Variants in ASCC3 observed in about 807,000 individuals in gnomAD.
ASCC3 encodes the protein ASC-1 complex subunit P200.
In ASCC3, 158 loss-of-function variants were observed where a neutral mutation model predicts 256.3. The observed-to-expected ratio is 0.62, with a 90% CI of 0.54 to 0.70. The LOEUF (loss-of-function observed/expected upper bound fraction) is 0.70. Among genes scored for constraint, ASCC3 ranks in the 30% least tolerant of loss-of-function variants. The probability of loss-of-function intolerance (pLI) is 0.00; values close to 1 mark genes in which losing one functional copy is unlikely to be tolerated. For missense variants in ASCC3, 2,259 were observed against 2,626.0 expected (o/e 0.86, Z 3.05); for synonymous variants, 948 against 883.4 (o/e 1.07, Z -1.30).
chr6:100,519,622 A>C (rs1391411564), intron 37 of ASCC3, among the ~76,000 whole-genome samples: 1 of 152,156 alleles, frequency 6.6e-6, no homozygotes, highest in East Asian at 1.9e-4. Context: ...ATTATACCTA[A>C]TGCAGTATTA....
At chr6:100,825,900 T>C (rs1045143002) in intron 4 of ASCC3, among the ~76,000 whole-genome samples, 4 of 151,862 alleles carry the variant, frequency 2.6e-5, no homozygotes, top group Admixed American at 1.3e-4. Context: ...GACTCGGCTA[T>C]TGATACTTGT....
At position 100,853,420 on chromosome 6, in the gene ASCC3, C is replaced by CTTTTTTTTTTTTTTTTTTT. The variant is rs11299576; in HGVS notation, c.242-4732_242-4714dup. 3.1e-5 allele frequency among the ~76,000 whole-genome samples: 4 copies of CTTTTTTTTTTTTTTTTTTT among 127,668 alleles called. 1 individual carries two copies. Among genetic ancestry groups the CTTTTTTTTTTTTTTTTTTT allele is most frequent in the Non-Finnish European group, 6.6e-5 (4 of 60,546 alleles). The allele number at this position is 127,668 out of a possible 152,430, so 83.8% of individuals were successfully genotyped here. Reference sequence around the variant, plus strand: ...TTGCATCCATAATTGATAAATATTCCTTTTTTTTTTTTTTTTTTTGAGACG... The same window carrying CTTTTTTTTTTTTTTTTTTT: ...TTGCATCCATAATTGATAAATATTCCTTTTTTTTTTTTTTTTTTTTTTTTTTTTTTTTTTTTTTGAGACG... On this transcript the variant is annotated intron_variant, in intron 3 of 41. Coordinates refer to ENST00000369162, the MANE Select transcript of ASCC3 (RefSeq NM_006828.4).
intron 10 of ASCC3, among the ~76,000 whole-genome samples, chr6:100,733,178 A>T (rs1779987891): frequency 6.6e-6 from 1 of 152,204 alleles, no homozygotes; most frequent in African/African-American, 2.4e-5. Flanking sequence ...TAGAGACAAA[A>T]GAGAACCTCA....
At chr6:100,585,372 C>T (rs1391469065) in intron 36 of ASCC3, among the ~76,000 whole-genome samples, 9 of 152,164 alleles carry the variant, frequency 5.9e-5, no homozygotes, top group Admixed American at 6.5e-5. Context: ...TTGATCACAT[C>T]GGCTCCTGAG....
intron 13 of ASCC3, among the ~76,000 whole-genome samples, chr6:100,680,148 A>T (rs891263358): frequency 6.6e-6 from 1 of 152,230 alleles, no homozygotes; most frequent in African/African-American, 2.4e-5. Flanking sequence ...AAAACAATAG[A>T]GAAAACTCTT....
intron 23 of ASCC3, among the ~76,000 whole-genome samples, 185 bp downstream of exon 23, chr6:100,643,846 G>A (rs1775249429): frequency 6.6e-6 from 1 of 150,768 alleles, no homozygotes; most frequent in African/African-American, 2.5e-5. Flanking sequence ...CTTAAACCAT[G>A]ATCACATTGA....
intron 30 of ASCC3, among the ~76,000 whole-genome samples, chr6:100,607,846 C>T (rs551276782): frequency 6.6e-6 from 1 of 150,952 alleles, no homozygotes; most frequent in South Asian, 2.1e-4. Flanking sequence ...TTTTTGTTTA[C>T]TTCTTATCTT....
chr6:100,583,701 T>C (rs893217055), intron 36 of ASCC3, among the ~76,000 whole-genome samples: 2 of 152,246 alleles, frequency 1.3e-5, no homozygotes, highest in Non-Finnish European at 2.9e-5. Flanking sequence ...TTTGGATCTT[T>C]CTTGCTTTCT....
At chr6:100,537,676 A>C (rs1025680912) in intron 37 of ASCC3, among the ~76,000 whole-genome samples, 11 of 152,018 alleles carry the variant, frequency 7.2e-5, no homozygotes, top group African/African-American at 2.7e-4. Flanking sequence ...AAATTCATTG[A>C]AAAAAAGAAA....
chr6:100,530,794 T>G lies in ASCC3; in HGVS notation c.5775+9369A>C, dbSNP rs1437641450. 6.6e-6 allele frequency: 7 copies of G among 1,068,066 alleles called. No individual in the cohort carries two copies. In the African/African-American group the frequency reaches 1.1e-4, roughly 16 times the overall value. The allele number at this position is 1,068,066 out of a possible 1,614,324, so 66.2% of individuals were successfully genotyped here. The stretch of plus-strand genomic sequence containing the variant: ...GCAAAGAATCCAAGACAAAAAGGAT[T>G]AGATCTAGAAATGGCCATTGCCTAC... On this transcript the variant is annotated intron_variant, in intron 37 of 41. Coordinates refer to ENST00000369162, the MANE Select transcript of ASCC3 (RefSeq NM_006828.4).
chr6:100,831,330 A>G (rs1434858219), intron 4 of ASCC3, among the ~76,000 whole-genome samples: 3 of 151,886 alleles, frequency 2.0e-5, no homozygotes, highest in Admixed American at 1.3e-4. Context: ...TGGTTAAAAA[A>G]AAAAAGGAAA....
At chr6:100,542,269 A>G (rs897106833) in intron 36 of ASCC3, among the ~76,000 whole-genome samples, 2 of 152,244 alleles carry the variant, frequency 1.3e-5, no homozygotes, top group Admixed American at 1.3e-4. Flanking sequence ...GAAAATATGA[A>G]AAGCAGCCAG....
intron 30 of ASCC3, among the ~76,000 whole-genome samples, chr6:100,620,462 C>T (rs1267836948): frequency 6.6e-6 from 1 of 152,114 alleles, no homozygotes; most frequent in Non-Finnish European, 1.5e-5. Context: ...AGATGAATAA[C>T]TCTTTTTGCC....
intron 36 of ASCC3, among the ~76,000 whole-genome samples, chr6:100,579,734 T>G (rs1020043971): frequency 1.3e-5 from 2 of 152,158 alleles, no homozygotes; most frequent in Non-Finnish European, 2.9e-5. Context: ...ACTGTAGCCT[T>G]GTAGTATAGT....
At chr6:100,723,939 T>TAC (rs201590643) in intron 11 of ASCC3, among the ~76,000 whole-genome samples, 6,439 of 140,978 alleles carry the variant, frequency 0.046, 240 homozygotes, top group East Asian at 0.11. Context: ...TATATATATA[T>TAC]ACACACACAC....
chr6:100,762,097 CA>C (rs766909506), intron 10 of ASCC3, among the ~76,000 whole-genome samples: 5 of 152,094 alleles, frequency 3.3e-5, no homozygotes, highest in Non-Finnish European at 7.4e-5. Flanking sequence ...CAGAGTAATA[CA>C]AAGAAAATTC....
At chr6:100,814,090 TCTTA>T (rs1770622013) in intron 4 of ASCC3, among the ~76,000 whole-genome samples, 1 of 152,218 alleles carries the variant, frequency 6.6e-6, no homozygotes. Flanking sequence ...CATAGATGGC[TCTTA>T]CTATTTTGAG....
intron 14 of ASCC3, among the ~76,000 whole-genome samples, chr6:100,674,183 T>C (rs1170403423): frequency 1.3e-5 from 2 of 152,062 alleles, no homozygotes; most frequent in African/African-American, 4.8e-5. Context: ...AATTGATCAA[T>C]ACTACAGAAA....
chr6:100,527,834 T>C (rs993766057), intron 37 of ASCC3, among the ~76,000 whole-genome samples: 1 of 145,612 alleles, frequency 6.9e-6, no homozygotes, highest in Non-Finnish European at 1.5e-5. Flanking sequence ...ATCTTCTTTG[T>C]TTTTTTTTTT....
Sources: gnomAD v4.1 joint callset for allele counts (sites outside exome capture counted in the v4.1 genomes callset) on GRCh38, gnomAD v4.1.1 for gene constraint, MANE v1.5 for transcripts, NCBI Gene and HGNC (gene_info 2026-07-23, HGNC 2026-07-21) for gene names.